Variants in ENOX1 observed in about 807,000 individuals in gnomAD.
The protein encoded by ENOX1 is candidate growth-related and time keeping constitutive hydroquinone (NADH) oxidase.
ENOX1 carries 42 observed loss-of-function variants against 82.5 expected under a neutral mutation model. The ratio of observed to expected loss-of-function variants is 0.51; its 90% CI spans 0.40 to 0.66. The LOEUF (loss-of-function observed/expected upper bound fraction) is 0.66. ENOX1 is among the 30% of genes least tolerant of loss of function. The probability of loss-of-function intolerance (pLI) is 0.00; values close to 1 mark genes in which losing one functional copy is unlikely to be tolerated. For synonymous variants in ENOX1, 271 were observed against 282.2 expected (o/e 0.96, Z 0.40); for missense variants, 608 against 811.6 (o/e 0.75, Z 3.05).
intron 3 of ENOX1, among the ~76,000 whole-genome samples, chr13:43,476,516 T>C (rs2058292194): frequency 6.6e-6 from 1 of 152,178 alleles, no homozygotes; most frequent in African/African-American, 2.4e-5. Flanking sequence ...TGTGCAAATG[T>C]ACTTCAAAAA....
chr13:43,598,139 A>G (rs994598128), intron 2 of ENOX1, among the ~76,000 whole-genome samples: 2 of 151,864 alleles, frequency 1.3e-5, no homozygotes, highest in Non-Finnish European at 2.9e-5. Flanking sequence ...GCTCCCATCC[A>G]TTGATACCAT....
chr13:43,437,420 C>T lies in ENOX1; in HGVS notation c.-74-24432G>A, dbSNP rs75744162. 2.8e-4 allele frequency among the ~76,000 whole-genome samples: 43 copies of T among 152,246 alleles called. No individual in the cohort carries two copies. The East Asian group carries it at 8.1e-3, about 29-fold the overall frequency. On this transcript the variant is annotated intron_variant, in intron 3 of 16. Coordinates refer to ENST00000690772, the MANE Select transcript of ENOX1 (RefSeq NM_001347969.2). ...GTTAAATGCTTCCACTTTCCTTTCC[C>T]GAAAATCTGAGCTTGTGGCAACTTT...
At chr13:43,733,984 AAAAG>A (rs751495138) in intron 1 of ENOX1, among the ~76,000 whole-genome samples, 11 of 152,150 alleles carry the variant, frequency 7.2e-5, no homozygotes, top group Non-Finnish European at 8.8e-5. Context: ...AAAAGAAAAG[AAAAG>A]AAAGAAGAAG....
At chr13:43,496,291 A>G (rs2076789817) in intron 2 of ENOX1, among the ~76,000 whole-genome samples, 2 of 152,078 alleles carry the variant, frequency 1.3e-5, no homozygotes, top group South Asian at 2.1e-4. Flanking sequence ...AATTCAAAGT[A>G]TATACTTTGA....
At chr13:43,597,246 G>A (rs750737525) in intron 2 of ENOX1, among the ~76,000 whole-genome samples, 4 of 152,144 alleles carry the variant, frequency 2.6e-5, no homozygotes, top group Admixed American at 6.5e-5. Context: ...CCTCCGATAC[G>A]TGGGGATTAC....
intron 1 of ENOX1, among the ~76,000 whole-genome samples, chr13:43,706,453 G>T (rs1213375102): frequency 6.6e-6 from 1 of 151,796 alleles, no homozygotes; most frequent in Non-Finnish European, 1.5e-5. Flanking sequence ...TTACAAAAAA[G>T]AAAAATCACA....
chr13:43,527,018 T>C lies in ENOX1; in HGVS notation c.-218-42866A>G, dbSNP rs544126619. 9.2e-5 allele frequency among the ~76,000 whole-genome samples: 14 copies of C among 152,148 alleles called. No homozygotes were observed. In the South Asian group the frequency reaches 1.2e-3, roughly 14 times the overall value. ...CTCTATTGGAAGCAGAGTGCAGCCC[T>C]ACAGACATCAAACTTGCCAGAGCCT... On this transcript the variant is annotated intron_variant, in intron 2 of 16. Coordinates refer to ENST00000690772, the MANE Select transcript of ENOX1 (RefSeq NM_001347969.2).
At chr13:43,341,629 C>T (rs1302250284) in intron 9 of ENOX1, among the ~76,000 whole-genome samples, 6 of 152,060 alleles carry the variant, frequency 3.9e-5, no homozygotes, top group East Asian at 1.9e-4. Context: ...GATACTCAAA[C>T]GGTTTACTGG....
intron 14 of ENOX1, among the ~76,000 whole-genome samples, chr13:43,248,098 G>T (rs1349266460): frequency 2.7e-5 from 4 of 150,434 alleles, no homozygotes. Flanking sequence ...TGTTAGCCGG[G>T]ATGGTCTCGA....
Position 43,603,334 on chromosome 13 carries a change from G to A in ENOX1, c.-219+64145C>T, listed in dbSNP as rs897548284. ...TTAATAATAATGATACCAATGGGATGGCAAAATGGTTCCAGCTGCTTTTTT... is the reference window on the plus strand; with the variant it reads ...TTAATAATAATGATACCAATGGGATAGCAAAATGGTTCCAGCTGCTTTTTT... On this transcript the variant is annotated intron_variant, in intron 2 of 16. Transcript: ENST00000690772. 6.6e-5 allele frequency among the ~76,000 whole-genome samples: 10 copies of A among 151,354 alleles called. No homozygotes were observed. In the East Asian group the frequency reaches 1.4e-3, roughly 21 times the overall value.
chr13:43,718,830 T>A lies in ENOX1; in HGVS notation c.-284-51286A>T, dbSNP rs975127662. Among the ~76,000 whole-genome samples, 12 of 152,306 alleles carry A rather than the reference T, an allele frequency of 7.9e-5. No individual in the cohort carries two copies. The East Asian group carries it at 1.5e-3, about 20-fold the overall frequency. ...TGTGCAGGTATTCTACTGTGTCCTT[T>A]AGTAGTATTTTTAAATTTTCTTCAT... On this transcript the variant is annotated intron_variant, in intron 1 of 16. Transcript: ENST00000690772.
chr13:43,249,036 G>GA (rs2043299266), intron 14 of ENOX1, among the ~76,000 whole-genome samples: 1 of 152,114 alleles, frequency 6.6e-6, no homozygotes, highest in Admixed American at 6.5e-5. Flanking sequence ...CTGCTGCCTG[G>GA]ATCATAACTT....
At chr13:43,311,962 CAACT>C (rs2047227414) in intron 11 of ENOX1, among the ~76,000 whole-genome samples, 2 of 152,126 alleles carry the variant, frequency 1.3e-5, no homozygotes, top group Admixed American at 1.3e-4. Context: ...ATTTCATAAA[CAACT>C]GACTGGTAAA....
intron 2 of ENOX1, among the ~76,000 whole-genome samples, chr13:43,582,090 A>G (rs547833400): frequency 5.5e-4 from 83 of 152,288 alleles, no homozygotes; most frequent in African/African-American, 1.9e-3. Context: ...CAAAAAAGAA[A>G]AGTATAGAAA....
Position 43,744,494 on chromosome 13 carries a change from A to G in ENOX1, c.-285+42158T>C, listed in dbSNP as rs549731609. Among the ~76,000 whole-genome samples the G allele has an allele frequency of 1.4e-4, 22 of 152,302 alleles. No homozygotes were observed. In the South Asian group the frequency reaches 4.6e-3, roughly 32 times the overall value. On this transcript the variant is annotated intron_variant, in intron 1 of 16. Transcript: ENST00000690772. ...ATCTTTCCTCAGGCCTGGTGACAAG[A>G]CAAAGACCAAATGGAATCCTAAAAT...
intron 11 of ENOX1, among the ~76,000 whole-genome samples, chr13:43,318,700 T>C (rs545917531): frequency 2.2e-4 from 33 of 152,242 alleles, no homozygotes; most frequent in Non-Finnish European, 3.8e-4. Flanking sequence ...CAGACTTTTA[T>C]TGATTACGTA....
intron 12 of ENOX1, among the ~76,000 whole-genome samples, chr13:43,281,624 G>A (rs1054937189): frequency 2.6e-5 from 4 of 152,136 alleles, no homozygotes; most frequent in Admixed American, 1.3e-4. Context: ...AACATTGCAT[G>A]TGATGTTTAC....
At chr13:43,371,472 T>C (rs1477565059) in intron 5 of ENOX1, among the ~76,000 whole-genome samples, 2 of 152,220 alleles carry the variant, frequency 1.3e-5, no homozygotes, top group Non-Finnish European at 2.9e-5. Flanking sequence ...AAGCCCACTA[T>C]AGTCAGTATT....
chr13:43,556,049 G>A (rs1460311101), intron 2 of ENOX1, among the ~76,000 whole-genome samples: 1 of 152,144 alleles, frequency 6.6e-6, no homozygotes, highest in Non-Finnish European at 1.5e-5. Flanking sequence ...TTCCTAAAAT[G>A]AAAAGAACTT....
Sources: gnomAD v4.1 joint callset for allele counts (sites outside exome capture counted in the v4.1 genomes callset) on GRCh38, gnomAD v4.1.1 for gene constraint, MANE v1.5 for transcripts, NCBI Gene and HGNC (gene_info 2026-07-23, HGNC 2026-07-21) for gene names.